KIAA1549L: variants seen among roughly 807,000 people sequenced by gnomAD.
The protein encoded by KIAA1549L is KIAA1549 like.
A neutral mutation model predicts 160.7 loss-of-function variants in KIAA1549L; 88 were observed. The observed-to-expected ratio is 0.55, with a 90% CI of 0.46 to 0.65. KIAA1549L has a LOEUF of 0.65. Ranked by LOEUF, KIAA1549L falls within the 30% of genes least tolerant of loss-of-function variation. KIAA1549L has a pLI of 0.00. For synonymous variants in KIAA1549L, 950 were observed against 976.7 expected (o/e 0.97, Z 0.51); for missense variants, 2,258 against 2,437.5 (o/e 0.93, Z 1.55).
chr11:33,519,499 A>G (rs1853429935), intron 1 of KIAA1549L, among the ~76,000 whole-genome samples: 1 of 152,246 alleles, frequency 6.6e-6, no homozygotes. Flanking sequence ...AATGGCTGTA[A>G]CAATTATTTA....
At chr11:33,390,174 G>A (rs1850246604) in intron 1 of KIAA1549L, among the ~76,000 whole-genome samples, 1 of 152,218 alleles carries the variant, frequency 6.6e-6, no homozygotes, top group Non-Finnish European at 1.5e-5. Context: ...AACTGGTTCA[G>A]TGTCTCCCAG....
At chr11:33,614,384 T>C (rs1436849362) in intron 15 of KIAA1549L, among the ~76,000 whole-genome samples, 1 of 150,444 alleles carries the variant, frequency 6.6e-6, no homozygotes. Flanking sequence ...TCACTGTCTG[T>C]CTGCCCTGAT....
intron 20 of KIAA1549L, 111 bp from the exon 21 acceptor site, chr11:33,667,762 G>T: frequency 1.1e-6 from 1 of 890,066 alleles, no homozygotes; most frequent in Non-Finnish European, 1.7e-6. Context: ...TTTCTTCTAA[G>T]TTCTCTTCCA....
At chr11:33,431,704 T>C (rs993765803) in intron 1 of KIAA1549L, among the ~76,000 whole-genome samples, 72 of 152,258 alleles carry the variant, frequency 4.7e-4, no homozygotes, top group African/African-American at 1.6e-3. Flanking sequence ...GCACCGGGGC[T>C]GCAGGTGGAG....
At chr11:33,425,398 T>G (rs562224534) in intron 1 of KIAA1549L, among the ~76,000 whole-genome samples, 56 of 152,360 alleles carry the variant, frequency 3.7e-4, no homozygotes, top group African/African-American at 1.3e-3. Context: ...GTCACTGTGA[T>G]GTATCAAGGG....
intron 4 of KIAA1549L, 118 bp from the exon 5 acceptor site, chr11:33,550,922 C>A: frequency 4.8e-6 from 4 of 828,210 alleles, no homozygotes; most frequent in East Asian, 2.5e-5. Context: ...ATTTGTTGAA[C>A]GAGAACATTC....
At chr11:33,651,788 T>C (rs1401598455) in intron 17 of KIAA1549L, among the ~76,000 whole-genome samples, 2 of 151,068 alleles carry the variant, frequency 1.3e-5, no homozygotes, top group African/African-American at 4.9e-5. Context: ...CCCACTTCCC[T>C]CATTCCCTCC....
At chr11:33,389,527 A>G (rs1359876279) in intron 1 of KIAA1549L, among the ~76,000 whole-genome samples, 2 of 152,178 alleles carry the variant, frequency 1.3e-5, no homozygotes, top group Admixed American at 6.5e-5. Context: ...AGCATCCTAG[A>G]ACTGTCTTTG....
chr11:33,631,696 C>T (rs1851293734), intron 16 of KIAA1549L, among the ~76,000 whole-genome samples: 1 of 152,096 alleles, frequency 6.6e-6, no homozygotes, highest in South Asian at 2.1e-4. Flanking sequence ...TTTTCCTGGC[C>T]CCTATGCCTA....
chr11:33,583,984 A>G (rs148907827), intron 11 of KIAA1549L, among the ~76,000 whole-genome samples: 121 of 152,252 alleles, frequency 7.9e-4, no homozygotes, highest in African/African-American at 2.7e-3. Context: ...GACCCCCAAT[A>G]TGATGGTATT....
chr11:33,530,439 ATATATATATATATAT>A (rs1853738560), intron 1 of KIAA1549L, among the ~76,000 whole-genome samples: 1 of 3,744 alleles, frequency 2.7e-4, no homozygotes, highest in Non-Finnish European at 5.0e-4. Flanking sequence ...AAAAAAAAAT[ATATATATATATATAT>A]ATATATATAT....
chr11:33,456,028 T>G (rs549583770), intron 1 of KIAA1549L, among the ~76,000 whole-genome samples: 1 of 152,288 alleles, frequency 6.6e-6, no homozygotes, highest in African/African-American at 2.4e-5. Context: ...CTTAGGAAAG[T>G]GGAAGATCAG....
intron 1 of KIAA1549L, among the ~76,000 whole-genome samples, chr11:33,500,866 T>A (rs1455262508): frequency 6.6e-6 from 1 of 152,140 alleles, no homozygotes; most frequent in East Asian, 1.9e-4. Flanking sequence ...TATGAAATAC[T>A]TTTTACACAA....
intron 1 of KIAA1549L, among the ~76,000 whole-genome samples, chr11:33,516,215 A>G (rs554716149): frequency 0.11 from 1,738 of 15,440 alleles, 753 homozygotes; most frequent in African/African-American, 0.76. Context: ...GCAGTGGCGC[A>G]ATCTCGGCTC....
intron 1 of KIAA1549L, among the ~76,000 whole-genome samples, chr11:33,413,945 A>G (rs565225056): frequency 6.6e-6 from 1 of 152,320 alleles, no homozygotes; most frequent in South Asian, 2.1e-4. Context: ...TAGAGCAGGG[A>G]TCTGACAAAG....
At chr11:33,599,100 G>A (rs1052297490) in intron 13 of KIAA1549L, 153 bp downstream of exon 13, 8 of 790,028 alleles carry the variant, frequency 1.0e-5, no homozygotes, top group African/African-American at 5.3e-5. Flanking sequence ...CCAGGAGTCT[G>A]TATGTACCCC....
chr11:33,526,517 C>T (rs1853615790), intron 1 of KIAA1549L, among the ~76,000 whole-genome samples: 1 of 152,194 alleles, frequency 6.6e-6, no homozygotes, highest in African/African-American at 2.4e-5. Flanking sequence ...AGACATTCCC[C>T]AGCACCAGCC....
intron 1 of KIAA1549L, among the ~76,000 whole-genome samples, chr11:33,474,803 C>T (rs1852250638): frequency 6.6e-6 from 1 of 152,244 alleles, no homozygotes; most frequent in South Asian, 2.1e-4. Context: ...CTAATTGCTG[C>T]TCAGTTTATT....
At chr11:33,662,637 T>G (rs1331120352) in intron 20 of KIAA1549L, among the ~76,000 whole-genome samples, 1 of 152,228 alleles carries the variant, frequency 6.6e-6, no homozygotes, top group Non-Finnish European at 1.5e-5. Context: ...TTGAACTACT[T>G]AGGCAGTAAT....
Sources: allele counts gnomAD v4.1 joint callset (sites outside exome capture counted in the v4.1 genomes callset), GRCh38; gene constraint gnomAD v4.1.1; transcripts MANE v1.5; gene names NCBI Gene and HGNC (gene_info 2026-07-23, HGNC 2026-07-21).